STAU2: variants seen among roughly 807,000 people sequenced by gnomAD.
The protein encoded by STAU2 is double-stranded RNA-binding protein Staufen homolog 2.
In STAU2, 20 loss-of-function variants were observed where a neutral mutation model predicts 65.9. The observed-to-expected ratio is 0.30, with a 90% CI of 0.21 to 0.44. STAU2 has a LOEUF of 0.44. Ranked by LOEUF, STAU2 falls within the 20% of genes least tolerant of loss-of-function variation. STAU2 has a pLI of 1.00. For missense variants in STAU2, 558 were observed against 683.9 expected, an observed-to-expected ratio of 0.82 and a Z score of 2.05; for synonymous variants, 232 against 233.9, an observed-to-expected ratio of 0.99 and a Z score of 0.07.
intron 13 of STAU2, among the ~76,000 whole-genome samples, chr8:73,447,868 G>C (rs1439925822): frequency 6.6e-6 from 1 of 152,152 alleles, no homozygotes; most frequent in Non-Finnish European, 1.5e-5. Context: ...AACATGAGAG[G>C]ATCTATCTTA....
chr8:73,485,202 G>T (rs1820852081), intron 13 of STAU2, among the ~76,000 whole-genome samples: 1 of 144,468 alleles, frequency 6.9e-6, no homozygotes, highest in South Asian at 2.2e-4. Context: ...ACCCAGGCTG[G>T]AGTGATAGTG....
At chr8:73,546,123 C>CTTTTTTTTTTTTTTTTTTTTTTTTTTTT in intron 13 of STAU2, among the ~76,000 whole-genome samples, 2 of 93,290 alleles carry the variant, frequency 2.1e-5, no homozygotes, top group Non-Finnish European at 3.8e-5. Flanking sequence ...GTTTGGTTTT[C>CTTTTTTTTTTTTTTTTTTTTTTTTTTTT]TTTTTTTTTT....
chr8:73,691,993 C>T (rs571576882), intron 4 of STAU2, among the ~76,000 whole-genome samples: 1 of 152,286 alleles, frequency 6.6e-6, no homozygotes, highest in South Asian at 2.1e-4. Flanking sequence ...CATCCCATTC[C>T]TATCCACCAC....
Position 73,646,271 on chromosome 8 carries a change from G to T in STAU2, c.410+26836C>A, listed in dbSNP as rs371709117. ...AAATTTACATGGAAAGGCAAAGAAA[G>T]CAGAGTATTCAATTTTGAAAAAGAA... On this transcript the variant is annotated intron_variant, in intron 6 of 14. Transcript: ENST00000524300. 3.9e-5 allele frequency among the ~76,000 whole-genome samples: 6 copies of T among 152,180 alleles called. No homozygotes were observed. The East Asian group carries it at 1.2e-3, about 29-fold the overall frequency.
intron 13 of STAU2, among the ~76,000 whole-genome samples, chr8:73,507,911 T>C (rs1822163366): frequency 6.6e-6 from 1 of 152,236 alleles, no homozygotes; most frequent in Non-Finnish European, 1.5e-5. Context: ...CAACTGCTGC[T>C]AGCTTCTTTC....
chr8:73,518,039 T>G (rs1236986008), intron 13 of STAU2, among the ~76,000 whole-genome samples: 2 of 152,216 alleles, frequency 1.3e-5, no homozygotes, highest in African/African-American at 2.4e-5. Context: ...TATTCTTTAT[T>G]ACTTAAAAAA....
intron 6 of STAU2, 105 bp downstream of exon 6, chr8:73,673,002 C>G (rs1817793508): frequency 9.0e-7 from 1 of 1,107,166 alleles, no homozygotes. Context: ...GCACAATGCC[C>G]AAGGTCAATT....
intron 3 of STAU2, among the ~76,000 whole-genome samples, chr8:73,735,168 C>T (rs1321455284): frequency 6.6e-6 from 1 of 152,144 alleles, no homozygotes; most frequent in African/African-American, 2.4e-5. Context: ...TGGGCTCAAG[C>T]AATCCTCCTG....
chr8:73,519,142 G>A (rs550166279), intron 13 of STAU2, among the ~76,000 whole-genome samples: 1 of 152,278 alleles, frequency 6.6e-6, no homozygotes, highest in East Asian at 1.9e-4. Flanking sequence ...AGCACTTGGC[G>A]CTGCTGACGT....
Position 73,739,639 on chromosome 8 carries a change from A to C in STAU2, c.-84+117T>G, listed in dbSNP as rs549002224. ...CAATAGTGTCCTCAGCATCTGCATC[A>C]ATTTTTATTTATTTTCTAATTACTG... On this transcript the variant is annotated intron_variant, in intron 2 of 14. Transcript: ENST00000524300. 274 of 910,572 alleles carry C rather than the reference A, an allele frequency of 3.0e-4. No homozygotes were observed. The African/African-American group carries it at 4.3e-3, about 14-fold the overall frequency. The allele number at this position is 910,572 out of a possible 1,614,324, so 56.4% of individuals were successfully genotyped here.
In STAU2 at chr8:73,688,731, G is replaced by A. The variant is rs1251163574; in HGVS notation, c.197C>T (p.Ala66Val). The A allele has an allele frequency of 1.2e-6, 2 of 1,614,122 alleles. No individual in the cohort carries two copies. Among genetic ancestry groups the A allele is most frequent in the South Asian group, 1.1e-5 (1 of 91,078 alleles). Reference sequence around the variant, plus strand: ...CGTAGATTCAGTCAAAGCTTTATTGGCAACAGCCTGCTGAGCCTTCTTTAT... The same window carrying A: ...CGTAGATTCAGTCAAAGCTTTATTGACAACAGCCTGCTGAGCCTTCTTTAT... ...SSIKKAQQAV[A>V]NKALTESTLP... The change falls in exon 5 of 15, where the codon GCC (alanine) becomes GTC (valine). Residue 66 changes from alanine (A) to valine (V), a missense_variant. Ala to Val is a moderately conservative substitution (Grantham distance 64). Around this residue, in one of 3 missense-constraint regions of STAU2, gnomAD observed 112 missense variants for 114.2 expected, o/e 0.98. Transcript: ENST00000524300.
intron 12 of STAU2, among the ~76,000 whole-genome samples, chr8:73,566,515 A>G (rs1211252392): frequency 6.6e-6 from 1 of 152,192 alleles, no homozygotes; most frequent in Non-Finnish European, 1.5e-5. Context: ...CATTCTTTCA[A>G]AAAAATGCGT....
intron 6 of STAU2, among the ~76,000 whole-genome samples, chr8:73,644,351 A>G (rs1815200332): frequency 6.6e-6 from 1 of 152,156 alleles, no homozygotes; most frequent in South Asian, 2.1e-4. Context: ...AGGCTGAAGC[A>G]GAAGGATCAC....
chr8:73,438,657 G>C (rs114331390), intron 13 of STAU2, among the ~76,000 whole-genome samples: 1 of 152,228 alleles, frequency 6.6e-6, no homozygotes, highest in South Asian at 2.1e-4. Flanking sequence ...AAGGAATCTT[G>C]TGTCCAGCGA....
At chr8:73,687,447 A>AATATATATTTATAATATATAC (rs1443169713) in intron 5 of STAU2, among the ~76,000 whole-genome samples, 1 of 129,584 alleles carries the variant, frequency 7.7e-6, no homozygotes, top group Non-Finnish European at 1.5e-5. Flanking sequence ...ATAATATATA[A>AATATATATTTATAATATATAC]ATATATAATA....
chr8:73,646,303 A>G (rs1586184077), intron 6 of STAU2, among the ~76,000 whole-genome samples: 2 of 152,228 alleles, frequency 1.3e-5, no homozygotes, highest in Admixed American at 6.5e-5. Flanking sequence ...AGAATAAAGC[A>G]TAAGAAACCA....
chr8:73,564,514 G>C (rs1195846555), intron 12 of STAU2, among the ~76,000 whole-genome samples: 4 of 152,056 alleles, frequency 2.6e-5, no homozygotes, highest in Admixed American at 6.5e-5. Context: ...GTGGAGGGTG[G>C]AAGGTGGAAG....
At chr8:73,645,576 T>C (rs1242263850) in intron 6 of STAU2, among the ~76,000 whole-genome samples, 1 of 152,216 alleles carries the variant, frequency 6.6e-6, no homozygotes, top group Admixed American at 6.5e-5. Context: ...TGCTTGAAGA[T>C]CTAGCCAGTG....
At chr8:73,432,098 G>C (rs576627082) in intron 13 of STAU2, among the ~76,000 whole-genome samples, 2 of 152,302 alleles carry the variant, frequency 1.3e-5, no homozygotes, top group African/African-American at 4.8e-5. Context: ...AAATAGACAA[G>C]TAGTTCCCAT....
Sources: allele counts gnomAD v4.1 joint callset (sites outside exome capture counted in the v4.1 genomes callset), GRCh38; gene constraint gnomAD v4.1.1; regional missense constraint gnomAD v4.1.1; transcripts MANE v1.5; gene names NCBI Gene and HGNC (gene_info 2026-07-23, HGNC 2026-07-21).